The following CNTN4 variants were observed in gnomAD, a reference collection of about 807,000 sequenced individuals.
CNTN4 encodes the protein contactin-4.
In CNTN4, 77 loss-of-function variants were observed where a neutral mutation model predicts 122.5. That is an observed-to-expected ratio of 0.63 (90% CI 0.52 to 0.76). The LOEUF (loss-of-function observed/expected upper bound fraction) is 0.76. Ranked by LOEUF, CNTN4 falls within the 30% of genes least tolerant of loss-of-function variation. CNTN4 has a pLI of 0.00. For synonymous variants in CNTN4, 512 were observed against 447.0 expected (o/e 1.15, Z -1.83); for missense variants, 1,256 against 1,259.1 (o/e 1.00, Z 0.04).
chr3:2,890,287 T>G (rs2094023966), intron 10 of CNTN4, among the ~76,000 whole-genome samples: 1 of 152,218 alleles, frequency 6.6e-6, no homozygotes, highest in Admixed American at 6.5e-5. Flanking sequence ...TTTTTTCTGG[T>G]CTGGGTCTTC....
Position 2,209,987 on chromosome 3 carries a change from C to A in CNTN4, c.-145+109348C>A, listed in dbSNP as rs1682991996. On this transcript the variant is annotated intron_variant, in intron 2 of 24. Coordinates refer to ENST00000418658, the MANE Select transcript of CNTN4 (RefSeq NM_175607.3). Reference sequence around the variant, plus strand: ...TTTTATTTTGTACTGGTATTATTATCAAAGCATAGCCTAGCCTTTCCTGGC... The same window carrying A: ...TTTTATTTTGTACTGGTATTATTATAAAAGCATAGCCTAGCCTTTCCTGGC... Among the ~76,000 whole-genome samples the A allele has an allele frequency of 5.3e-5, 8 of 152,058 alleles. No individual in the cohort carries two copies. In the South Asian group the frequency reaches 1.7e-3, roughly 32 times the overall value.
At chr3:2,946,579 C>G (rs1040757136) in intron 13 of CNTN4, among the ~76,000 whole-genome samples, 4 of 152,040 alleles carry the variant, frequency 2.6e-5, no homozygotes, top group Non-Finnish European at 5.9e-5. Flanking sequence ...TATTAGCTGG[C>G]TCCACGTTTA....
chr3:3,005,058 T>C (rs1696481481), intron 14 of CNTN4, among the ~76,000 whole-genome samples: 1 of 152,242 alleles, frequency 6.6e-6, no homozygotes, highest in Non-Finnish European at 1.5e-5. Flanking sequence ...GCCAAATAGC[T>C]TTATAGTCTT....
intron 6 of CNTN4, among the ~76,000 whole-genome samples, chr3:2,776,593 C>T (rs930066065): frequency 8.5e-5 from 13 of 152,120 alleles, no homozygotes; most frequent in African/African-American, 2.9e-4. Context: ...GTGACATGCC[C>T]TCTACTCTTG....
At chr3:2,422,415 A>G (rs1188802685) in intron 3 of CNTN4, among the ~76,000 whole-genome samples, 3 of 152,188 alleles carry the variant, frequency 2.0e-5, no homozygotes, top group African/African-American at 7.2e-5. Flanking sequence ...AGATGTTGTC[A>G]TTTTCACAGC....
rs373254760 is a variant in CNTN4 at position 2,922,830 on chromosome 3, C to T, written c.1208-2799C>T. The stretch of plus-strand genomic sequence containing the variant: ...TTTGCCATGTTGGCCAGGCTGGTCT[C>T]GAACTCCTGGCCTCATGTGATCTGC... On this transcript the variant is annotated intron_variant, in intron 12 of 24. Transcript: ENST00000418658. 9.2e-5 allele frequency among the ~76,000 whole-genome samples: 14 copies of T among 152,088 alleles called. 1 individual carries two copies. The East Asian group carries it at 2.3e-3, about 25-fold the overall frequency.
chr3:2,945,072 G>T (rs2094661258), intron 13 of CNTN4, among the ~76,000 whole-genome samples: 1 of 152,136 alleles, frequency 6.6e-6, no homozygotes, highest in Non-Finnish European at 1.5e-5. Context: ...GGGTAATTCA[G>T]TAAGCGACAC....
At chr3:2,360,978 A>G (rs2045110093) in intron 3 of CNTN4, among the ~76,000 whole-genome samples, 1 of 152,192 alleles carries the variant, frequency 6.6e-6, no homozygotes, top group Admixed American at 6.5e-5. Flanking sequence ...GAGTCAGAAT[A>G]CTGATTGTTA....
chr3:2,230,600 A>G (rs569686021), intron 2 of CNTN4, among the ~76,000 whole-genome samples: 44 of 152,318 alleles, frequency 2.9e-4, no homozygotes, highest in Admixed American at 2.3e-3. Context: ...CACTGGAACC[A>G]TCAAAGCACC....
At chr3:2,428,629 G>T (rs1358690123) in intron 3 of CNTN4, among the ~76,000 whole-genome samples, 1 of 152,154 alleles carries the variant, frequency 6.6e-6, no homozygotes, top group African/African-American at 2.4e-5. Flanking sequence ...TGCCTTGCTA[G>T]TTGGGGAAGT....
intron 2 of CNTN4, among the ~76,000 whole-genome samples, chr3:2,217,314 G>C (rs994112101): frequency 2.6e-5 from 4 of 152,230 alleles, no homozygotes; most frequent in Admixed American, 2.6e-4. Context: ...TGGGCTCCCT[G>C]TCTTGTCGCC....
intron 4 of CNTN4, among the ~76,000 whole-genome samples, chr3:2,643,539 T>A (rs2082989777): frequency 6.6e-6 from 1 of 152,086 alleles, no homozygotes. Context: ...TCTGCATTAC[T>A]GAGCATGTAT....
chr3:2,585,341 A>G (rs150058372), intron 4 of CNTN4, among the ~76,000 whole-genome samples: 5,175 of 148,968 alleles, frequency 0.035, 207 homozygotes, highest in African/African-American at 0.07. Context: ...CTTACTGGGC[A>G]TATACCCAAG....
In CNTN4 at chr3:2,612,570, G is replaced by A. The variant is rs150946221; in HGVS notation, c.55+41012G>A. Among the ~76,000 whole-genome samples, 17 of 152,162 alleles carry A rather than the reference G, an allele frequency of 1.1e-4. No homozygotes were observed. The East Asian group carries it at 3.1e-3, about 28-fold the overall frequency. On this transcript the variant is annotated intron_variant, in intron 4 of 24. Transcript: ENST00000418658. ...CTAATATTGGTTTCACAAGGTAAAG[G>A]CCATTATTATCCCTATGAGAATTCA...
chr3:2,678,548 G>A (rs2084995989), intron 4 of CNTN4, among the ~76,000 whole-genome samples: 1 of 152,168 alleles, frequency 6.6e-6, no homozygotes, highest in Non-Finnish European at 1.5e-5. Context: ...GAAGTTGCTT[G>A]ATGTAAGTGA....
chr3:2,887,221 T>C lies in CNTN4; in HGVS notation c.937T>C (p.Tyr313His). Residue 313 changes from tyrosine to histidine, a missense_variant, in exon 10 of 25, where the codon TAT becomes CAT. Coordinates refer to ENST00000418658, the MANE Select transcript of CNTN4 (RefSeq NM_175607.3). The part of the protein sequence containing the change: ...KNVARGQLTF[Y>H]AQPNWIQKIN... ...TGTAGCAAGGGGACAGCTAACTTTCTATGGTAAGTGTATGATTTCAGTTTA... is the reference window on the plus strand; with the variant it reads ...TGTAGCAAGGGGACAGCTAACTTTCCATGGTAAGTGTATGATTTCAGTTTA... The C allele has an allele frequency of 6.2e-7, 1 of 1,612,276 alleles. No homozygotes were observed. The highest frequency in any genetic ancestry group is 8.5e-7 in the Non-Finnish European group (1 of 1,179,632).
At chr3:2,340,707 A>AGAGAGAGAGAGAGAGAGAGAGAGAG (rs1174143787) in intron 3 of CNTN4, among the ~76,000 whole-genome samples, 1 of 85,368 alleles carries the variant, frequency 1.2e-5, no homozygotes. Context: ...ATATATATAT[A>AGAGAGAGAGAGAGAGAGAGAGAGAG]TATAGAGAGA....
At chr3:2,195,307 T>A (rs2037784226) in intron 2 of CNTN4, among the ~76,000 whole-genome samples, 1 of 152,238 alleles carries the variant, frequency 6.6e-6, no homozygotes, top group South Asian at 2.1e-4. Context: ...CCACATTTTC[T>A]TTATCTGTTC....
intron 3 of CNTN4, among the ~76,000 whole-genome samples, chr3:2,377,204 T>G (rs908395962): frequency 2.0e-5 from 3 of 151,750 alleles, no homozygotes; most frequent in African/African-American, 4.8e-5. Context: ...TCATTCCAAG[T>G]TTTTAGATAC....
Sources: allele counts gnomAD v4.1 joint callset (sites outside exome capture counted in the v4.1 genomes callset), GRCh38; gene constraint gnomAD v4.1.1; transcripts MANE v1.5; gene names NCBI Gene and HGNC (gene_info 2026-07-23, HGNC 2026-07-21).